ZNF385D: variants seen among roughly 807,000 people sequenced by gnomAD.
ZNF385D encodes zinc finger protein 385D, also known as zinc finger protein 659.
Under a neutral mutation model 35.8 loss-of-function variants are expected in ZNF385D, and 15 were observed. The observed-to-expected ratio is 0.42, with a 90% CI of 0.28 to 0.64. The LOEUF (loss-of-function observed/expected upper bound fraction) is 0.64. ZNF385D is among the 30% of genes least tolerant of loss of function. The pLI, the probability that ZNF385D is intolerant of heterozygous loss-of-function variation, is 0.23. For synonymous variants in ZNF385D, 212 were observed against 186.8 expected, an observed-to-expected ratio of 1.13 and a Z score of -1.10; for missense variants, 474 against 494.6, an observed-to-expected ratio of 0.96 and a Z score of 0.39.
chr3:22,057,105 G>C (rs148795565), intron 3 of ZNF385D, among the ~76,000 whole-genome samples: 5 of 152,172 alleles, frequency 3.3e-5, no homozygotes, highest in Non-Finnish European at 7.3e-5. Context: ...CAGTTGCTAC[G>C]TGACCCTGTG....
At chr3:21,817,759 A>T (rs1559653296) in intron 3 of ZNF385D, among the ~76,000 whole-genome samples, 1 of 152,232 alleles carries the variant, frequency 6.6e-6, no homozygotes, top group Non-Finnish European at 1.5e-5. Context: ...TGTGGAAGGC[A>T]GTGTGGTGAT....
intron 3 of ZNF385D, among the ~76,000 whole-genome samples, chr3:21,867,637 C>T (rs540871582): frequency 1.8e-4 from 28 of 152,112 alleles, no homozygotes; most frequent in Non-Finnish European, 3.4e-4. Context: ...CCTGGGAATA[C>T]ATACATTTTG....
chr3:21,606,237 C>T (rs1208292538), intron 2 of ZNF385D, among the ~76,000 whole-genome samples: 1 of 152,158 alleles, frequency 6.6e-6, no homozygotes, highest in Non-Finnish European at 1.5e-5. Context: ...GCTCCAGCAA[C>T]AGTACCTCTC....
intron 3 of ZNF385D, among the ~76,000 whole-genome samples, chr3:21,776,458 T>C (rs2071292567): frequency 6.6e-6 from 1 of 151,980 alleles, no homozygotes; most frequent in Non-Finnish European, 1.5e-5. Flanking sequence ...AAGAACGACG[T>C]ATGTGTGTGT....
intron 3 of ZNF385D, among the ~76,000 whole-genome samples, chr3:21,913,253 G>C (rs777982471): frequency 6.6e-6 from 1 of 152,126 alleles, no homozygotes; most frequent in Non-Finnish European, 1.5e-5. Flanking sequence ...GTGCTGCAAT[G>C]CGTGTTAACT....
intron 2 of ZNF385D, among the ~76,000 whole-genome samples, chr3:22,265,208 C>T (rs1231400132): frequency 2.6e-5 from 4 of 151,808 alleles, no homozygotes; most frequent in African/African-American, 9.7e-5. Context: ...AAAACTGCAA[C>T]CTGATAGAGA....
rs1699228092 is a variant in ZNF385D at position 22,237,097 on chromosome 3, C to G, written c.107-68062G>C. On this transcript the variant is annotated intron_variant, in intron 2 of 5. Coordinates refer to the ZNF385D transcript ENST00000494108. Reference sequence around the variant, plus strand: ...TGCATTTCCCTTTTTGAAGAACTGCCAAACTGATTTCCAAAGTGGCTGCCC... The same window carrying G: ...TGCATTTCCCTTTTTGAAGAACTGCGAAACTGATTTCCAAAGTGGCTGCCC... 1.3e-5 allele frequency among the ~76,000 whole-genome samples: 2 copies of G among 152,140 alleles called. 1 individual carries two copies. Among genetic ancestry groups the G allele is most frequent in the Non-Finnish European group, 2.9e-5 (2 of 68,022 alleles).
At chr3:21,799,035 A>G (rs528909270) in intron 3 of ZNF385D, among the ~76,000 whole-genome samples, 1 of 152,278 alleles carries the variant, frequency 6.6e-6, no homozygotes, top group East Asian at 1.9e-4. Context: ...TGAATATTCC[A>G]TATAAGCGGA....
chr3:21,652,202 G>C (rs537354284), intron 2 of ZNF385D, among the ~76,000 whole-genome samples: 1 of 152,236 alleles, frequency 6.6e-6, no homozygotes, highest in South Asian at 2.1e-4. Context: ...TGACTTTTCA[G>C]TCACTTCTAC....
At chr3:21,484,110 G>A (rs1049572773) in intron 4 of ZNF385D, among the ~76,000 whole-genome samples, 2 of 152,148 alleles carry the variant, frequency 1.3e-5, no homozygotes, top group Non-Finnish European at 2.9e-5. Context: ...GCAGATATAA[G>A]GAGCAGTCAT....
intron 3 of ZNF385D, among the ~76,000 whole-genome samples, chr3:22,070,457 T>C (rs1700176159): frequency 6.6e-6 from 1 of 152,170 alleles, no homozygotes; most frequent in Non-Finnish European, 1.5e-5. Flanking sequence ...TTCTGTTGTA[T>C]TTTATAAGAG....
At chr3:22,313,597 A>G (rs1703713578) in intron 2 of ZNF385D, among the ~76,000 whole-genome samples, 1 of 152,094 alleles carries the variant, frequency 6.6e-6, no homozygotes, top group African/African-American at 2.4e-5. Flanking sequence ...TGGTTAAGGG[A>G]AAAAAATAAC....
intron 2 of ZNF385D, among the ~76,000 whole-genome samples, chr3:22,223,515 A>C (rs1698382519): frequency 6.6e-6 from 1 of 152,184 alleles, no homozygotes; most frequent in African/African-American, 2.4e-5. Flanking sequence ...AATAGTGAGT[A>C]CATCATAGGA....
intron 1 of ZNF385D, among the ~76,000 whole-genome samples, chr3:21,721,827 C>T (rs896018216): frequency 2.6e-5 from 4 of 152,134 alleles, no homozygotes; most frequent in South Asian, 2.1e-4. Flanking sequence ...TGGCCAGGCG[C>T]GGTGGCTCAC....
chr3:22,275,669 A>T (rs1701390067), intron 2 of ZNF385D, among the ~76,000 whole-genome samples: 1 of 152,190 alleles, frequency 6.6e-6, no homozygotes, highest in South Asian at 2.1e-4. Context: ...TCATATTTTT[A>T]TCAACTTTAA....
intron 4 of ZNF385D, among the ~76,000 whole-genome samples, chr3:21,488,800 A>C (rs1220542706): frequency 6.6e-6 from 1 of 152,128 alleles, no homozygotes; most frequent in Non-Finnish European, 1.5e-5. Context: ...CAGAGTTTTT[A>C]AAGCATGAAT....
intron 3 of ZNF385D, among the ~76,000 whole-genome samples, chr3:22,043,600 CATT>C (rs1698807490): frequency 8.0e-6 from 1 of 125,134 alleles, no homozygotes; most frequent in East Asian, 2.7e-4. Context: ...GTGAACAAGA[CATT>C]ATAGTCCCTG....
intron 1 of ZNF385D, among the ~76,000 whole-genome samples, chr3:21,718,431 C>T (rs1247901805): frequency 1.3e-5 from 2 of 152,198 alleles, no homozygotes; most frequent in Non-Finnish European, 2.9e-5. Flanking sequence ...TCTGTAGCCA[C>T]CAGCCAACAA....
upstream of ZNF385D, among the ~76,000 whole-genome samples, chr3:21,754,482 A>G (rs2070248590): frequency 6.6e-6 from 1 of 152,158 alleles, no homozygotes; most frequent in Non-Finnish European, 1.5e-5. Context: ...AACCACTTAC[A>G]TATTTTGTAT....
Sources: allele counts gnomAD v4.1 joint callset (sites outside exome capture counted in the v4.1 genomes callset), GRCh38; gene constraint gnomAD v4.1.1; transcripts MANE v1.5; gene names NCBI Gene and HGNC (gene_info 2026-07-23, HGNC 2026-07-21).